POLR3H: variants seen among roughly 807,000 people sequenced by gnomAD.
The protein encoded by POLR3H is RNA polymerase III subunit H.
Under a neutral mutation model 25.5 loss-of-function variants are expected in POLR3H, and 17 were observed. The observed-to-expected ratio is 0.67, with a 90% CI of 0.46 to 1.00. POLR3H has a LOEUF of 1.00. Among genes scored for constraint, POLR3H ranks in the 50% least tolerant of loss-of-function variants. The pLI, the probability that POLR3H is intolerant of heterozygous loss-of-function variation, is 0.00. For missense variants in POLR3H, 274 were observed against 265.0 expected (o/e 1.03, Z -0.24); for synonymous variants, 129 against 103.0 (o/e 1.25, Z -1.53).
intron 2 of POLR3H, among the ~76,000 whole-genome samples, chr22:41,537,206 G>A (rs1430671699): frequency 6.6e-6 from 1 of 152,176 alleles, no homozygotes; most frequent in Non-Finnish European, 1.5e-5. Flanking sequence ...CGTGCGGGGC[G>A]CTAGACCACA....
Position 41,527,433 on chromosome 22 carries a change from CTG to C in POLR3H, c.*1848_*1849del. On this transcript the variant is annotated 3_prime_UTR_variant, in exon 6 of 6. Coordinates refer to ENST00000355209, the MANE Select transcript of POLR3H (RefSeq NM_001018050.4). The stretch of plus-strand genomic sequence containing the variant: ...GCCAGGATCCACGGTGAGCTGGAGT[CTG>C]TACCCAGGCCATCCTCATCCCATCC... The C allele has an allele frequency of 1.2e-6, 2 of 1,603,438 alleles. No individual in the cohort carries two copies. The highest frequency in any genetic ancestry group is 1.7e-6 in the Non-Finnish European group (2 of 1,175,422).
chr22:41,543,961 AG>A (rs756945747), intron 1 of POLR3H, 29 bp downstream of exon 1: 1 of 1,539,714 alleles, frequency 6.5e-7, no homozygotes, highest in Non-Finnish European at 9.0e-7. Flanking sequence ...TCCCACGCCA[AG>A]GCCTGCCCGC....
At chr22:41,532,833 C>T (rs1319600040) in intron 2 of POLR3H, 88 bp from the exon 3 acceptor site, 2 of 1,416,354 alleles carry the variant, frequency 1.4e-6, no homozygotes, top group Non-Finnish European at 1.9e-6. Flanking sequence ...ACCTGGGGGC[C>T]TGTGTGGCTG....
chr22:41,526,220 G>A lies in POLR3H; in HGVS notation c.*3063C>T. On this transcript the variant is annotated 3_prime_UTR_variant, in exon 6 of 6. Transcript: ENST00000355209. ...GGAGGGCTTGTCATCCACCCCTCCA[G>A]GGCCATGCCCTGACCTCTGTCCTCT... 6.3e-7 allele frequency: 1 copy of A among 1,577,778 alleles called. No homozygotes were observed. Among genetic ancestry groups the A allele is most frequent in the South Asian group, 1.1e-5 (1 of 87,500 alleles).
intron 4 of POLR3H, among the ~76,000 whole-genome samples, chr22:41,531,148 G>T (rs1470627195): frequency 2.0e-5 from 3 of 152,200 alleles, no homozygotes; most frequent in Non-Finnish European, 4.4e-5. Flanking sequence ...GGATCTCAGA[G>T]CACCAGAGCA....
intron 3 of POLR3H, 73 bp downstream of exon 3, chr22:41,532,586 A>G: frequency 6.2e-7 from 1 of 1,611,390 alleles, no homozygotes; most frequent in Non-Finnish European, 8.5e-7. Flanking sequence ...TCCCCTGACC[A>G]TGTGGGTGGA....
rs1200721495 is a variant in POLR3H at position 41,527,611 on chromosome 22, C to T, written c.*1672G>A. ...GCTCAGCTTCCCGGCTTCCCGCAGG[C>T]CCTGCTTCCAGGCTTGTAGATCTGA... On this transcript the variant is annotated 3_prime_UTR_variant, in exon 6 of 6. Transcript: ENST00000355209. 1.1e-6 allele frequency: 1 copy of T among 883,068 alleles called. No homozygotes were observed. Among genetic ancestry groups the T allele is most frequent in the Non-Finnish European group, 1.7e-6 (1 of 594,272 alleles). The allele number at this position is 883,068 out of a possible 1,614,324, so 54.7% of individuals were successfully genotyped here.
At chr22:41,540,618 G>C in intron 2 of POLR3H, 81 bp downstream of exon 2, 1 of 1,086,864 alleles carries the variant, frequency 9.2e-7, no homozygotes. Context: ...ACGCACCACT[G>C]AACCTGGATT....
Position 41,526,142 on chromosome 22 carries a change from C to T in POLR3H, c.*3141G>A. 1.2e-6 allele frequency: 1 copy of T among 815,586 alleles called. No homozygotes were observed. Among genetic ancestry groups the T allele is most frequent in the Non-Finnish European group, 1.9e-6 (1 of 513,080 alleles). The allele number at this position is 815,586 out of a possible 1,614,324, so 50.5% of individuals were successfully genotyped here. On this transcript the variant is annotated 3_prime_UTR_variant, in exon 6 of 6. Transcript: ENST00000355209. Reference sequence around the variant, plus strand: ...GAACACGTGTCTGAAGACTTGCCTGCCTCTCACCCCTCTGTCACCCCTCCT... The same window carrying T: ...GAACACGTGTCTGAAGACTTGCCTGTCTCTCACCCCTCTGTCACCCCTCCT...
intron 3 of POLR3H, among the ~76,000 whole-genome samples, chr22:41,532,391 G>C (rs1446544870): frequency 6.6e-6 from 1 of 151,992 alleles, no homozygotes; most frequent in East Asian, 1.9e-4. Flanking sequence ...GCACACAACA[G>C]GGGCCAGTGG....
In POLR3H at chr22:41,544,398, G is replaced by T; in HGVS notation, c.-297C>A. 1 of 262,510 alleles carries T rather than the reference G, an allele frequency of 3.8e-6. No individual in the cohort carries two copies. Among genetic ancestry groups the T allele is most frequent in the Non-Finnish European group, 6.9e-6 (1 of 144,460 alleles). 16.3% of individuals were successfully genotyped at this position (262,510 alleles called of 1,614,324 possible). ...CCACGCCACTCCACGCCCCGCACCC[G>T]CGCCACGTGCCGCCGCTCGTATCAC... On this transcript the variant is annotated 5_prime_UTR_variant, in exon 1 of 6. Coordinates refer to ENST00000355209, the MANE Select transcript of POLR3H (RefSeq NM_001018050.4).
At chr22:41,532,199 C>T (rs774681547) in intron 3 of POLR3H, 42 bp from the exon 4 acceptor site, 3 of 1,581,686 alleles carry the variant, frequency 1.9e-6, no homozygotes, top group East Asian at 2.2e-5. Context: ...ATGGGGGTCC[C>T]AGTGGACGCC....
chr22:41,526,479 G>C lies in POLR3H; in HGVS notation c.*2804C>G. The stretch of plus-strand genomic sequence containing the variant: ...GTGGGTCAGAGTTGATAGGGGCAAT[G>C]CCAGTGGTCACTCCTGAAGGGGCCT... On this transcript the variant is annotated 3_prime_UTR_variant, in exon 6 of 6. Coordinates refer to ENST00000355209, the MANE Select transcript of POLR3H (RefSeq NM_001018050.4). 6.3e-7 allele frequency: 1 copy of C among 1,599,662 alleles called. No homozygotes were observed. Among genetic ancestry groups the C allele is most frequent in the Non-Finnish European group, 8.5e-7 (1 of 1,170,690 alleles).
chr22:41,539,393 A>G (rs995926631), intron 2 of POLR3H: 1 of 152,284 alleles, frequency 6.6e-6, no homozygotes, highest in African/African-American at 2.4e-5. Flanking sequence ...GGGAGCCTGA[A>G]CCGTCTCAAT....
In POLR3H at chr22:41,526,654, G is replaced by A. The variant is rs528510111; in HGVS notation, c.*2629C>T. The A allele has an allele frequency of 2.7e-3, 1,451 of 529,102 alleles. 2 individuals carry two copies. Among genetic ancestry groups the A allele is most frequent in the Non-Finnish European group, 3.7e-3 (1,136 of 303,540 alleles). 32.8% of individuals were successfully genotyped at this position (529,102 alleles called of 1,614,324 possible). ...GAGGCCCAGGTCCGGTGGTACAGCC[G>A]GGTCCCTGCACCAGGAGGAGTTAGT... On this transcript the variant is annotated 3_prime_UTR_variant, in exon 6 of 6. Transcript: ENST00000355209.
rs2066611620 is a variant in POLR3H at position 41,526,961 on chromosome 22, A to G, written c.*2322T>C. Reference sequence around the variant, plus strand: ...GGGGCGCCTTGAGCTTCACAGATGCATCTTGTGTGGGGCCCGGAGGCCGTC... The same window carrying G: ...GGGGCGCCTTGAGCTTCACAGATGCGTCTTGTGTGGGGCCCGGAGGCCGTC... On this transcript the variant is annotated 3_prime_UTR_variant, in exon 6 of 6. Coordinates refer to ENST00000355209, the MANE Select transcript of POLR3H (RefSeq NM_001018050.4). 3 of 436,092 alleles carry G rather than the reference A, an allele frequency of 6.9e-6. No individual in the cohort carries two copies. Among genetic ancestry groups the G allele is most frequent in the Non-Finnish European group, 1.2e-5 (3 of 241,164 alleles). The allele number at this position is 436,092 out of a possible 1,614,324, so 27.0% of individuals were successfully genotyped here. A position where few individuals can be genotyped will look rare whatever the true frequency, so the allele number is the denominator to read the frequency against.
At position 41,544,289 on chromosome 22, in the gene POLR3H, T is replaced by G; in HGVS notation, c.-188A>C. 1 of 543,514 alleles carries G rather than the reference T, an allele frequency of 1.8e-6. No homozygotes were observed. The highest frequency in any genetic ancestry group is 3.1e-5 in the East Asian group (1 of 32,556). 33.7% of individuals were successfully genotyped at this position (543,514 alleles called of 1,614,324 possible). A position where few individuals can be genotyped will look rare whatever the true frequency, so the allele number is the denominator to read the frequency against. The stretch of plus-strand genomic sequence containing the variant: ...CTCCGCTACTACAACATGAGGAAAC[T>G]GAGGCCAGAGGGAGGCACTCTCCGT... On this transcript the variant is annotated 5_prime_UTR_variant, in exon 1 of 6. Transcript: ENST00000355209.
Position 41,529,763 on chromosome 22 carries a change from G to T in POLR3H, c.562-427C>A, listed in dbSNP as rs1230225328. ...CAGGGAGCCCTACCTTTTTTTTGTT[G>T]TTTTTTTTTTTTGAGACAGTCTCGC... On this transcript the variant is annotated intron_variant, in intron 5 of 5. Coordinates refer to ENST00000355209, the MANE Select transcript of POLR3H (RefSeq NM_001018050.4). 3.9e-3 allele frequency: 1,574 copies of T among 401,274 alleles called. 10 individuals are homozygous for T. The highest frequency in any genetic ancestry group is 0.012 in the Admixed American group (381 of 32,148). 24.9% of individuals were successfully genotyped at this position (401,274 alleles called of 1,614,324 possible).
At chr22:41,530,572 G>C (rs2066707360) in intron 5 of POLR3H, 115 bp downstream of exon 5, 1 of 986,824 alleles carries the variant, frequency 1.0e-6, no homozygotes, top group Non-Finnish European at 1.5e-6. Flanking sequence ...CCCCCAAACA[G>C]GATCCCTGAC....
Sources: gnomAD v4.1 joint callset for allele counts (sites outside exome capture counted in the v4.1 genomes callset) on GRCh38, gnomAD v4.1.1 for gene constraint, MANE v1.5 for transcripts, NCBI Gene and HGNC (gene_info 2026-07-23, HGNC 2026-07-21) for gene names.